RBFOX1: variants seen among roughly 807,000 people sequenced by gnomAD.
RBFOX1 encodes the protein RNA binding protein fox-1 homolog 1.
Under a neutral mutation model 57.7 loss-of-function variants are expected in RBFOX1, and 8 were observed. That is an observed-to-expected ratio of 0.14 (90% CI 0.08 to 0.25). RBFOX1 has a LOEUF of 0.25. RBFOX1 is among the 10% of genes least tolerant of loss of function. The pLI is 1.00. For missense variants in RBFOX1, 611 were observed against 548.5 expected (o/e 1.11, Z -1.14); for synonymous variants, 326 against 222.4 (o/e 1.47, Z -4.15).
intron 4 of RBFOX1, among the ~76,000 whole-genome samples, chr16:7,338,657 C>G (rs983787738): frequency 4.6e-5 from 7 of 152,270 alleles, no homozygotes; most frequent in African/African-American, 1.7e-4. Flanking sequence ...GAAGCAGAAA[C>G]CAGCGTATGT....
intron 2 of RBFOX1, among the ~76,000 whole-genome samples, chr16:5,474,610 C>G (rs951637980): frequency 6.6e-5 from 10 of 151,672 alleles, no homozygotes; most frequent in African/African-American, 2.4e-4. Flanking sequence ...GCTGAGATCG[C>G]GCCATTGCAC....
chr16:6,084,381 C>G (rs1276925055), intron 1 of RBFOX1, among the ~76,000 whole-genome samples: 1 of 152,016 alleles, frequency 6.6e-6, no homozygotes, highest in African/African-American at 2.4e-5. Flanking sequence ...GCAGCTGGGA[C>G]CATAGCTATG....
chr16:6,938,245 A>G (rs1049892635), intron 3 of RBFOX1, among the ~76,000 whole-genome samples: 2 of 152,202 alleles, frequency 1.3e-5, no homozygotes, highest in African/African-American at 2.4e-5. Context: ...AATATCAGGT[A>G]GGTTGCAGAT....
chr16:5,817,953 G>A (rs1289750949), intron 3 of RBFOX1, among the ~76,000 whole-genome samples: 3 of 152,030 alleles, frequency 2.0e-5, no homozygotes, highest in Admixed American at 1.3e-4. Context: ...GCCTCCAAAA[G>A]TGCTGGGATT....
At chr16:5,255,036 T>G (rs891012496) in intron 1 of RBFOX1, among the ~76,000 whole-genome samples, 1 of 152,190 alleles carries the variant, frequency 6.6e-6, no homozygotes, top group African/African-American at 2.4e-5. Flanking sequence ...GCCAGTTGAT[T>G]ATTGGTTGCC....
chr16:7,360,373 T>C (rs559779355), intron 4 of RBFOX1, among the ~76,000 whole-genome samples: 8 of 152,326 alleles, frequency 5.3e-5, no homozygotes, highest in African/African-American at 1.9e-4. Flanking sequence ...GCTTCATATG[T>C]GGCTGAAATA....
chr16:5,538,850 T>C (rs1211098540), intron 2 of RBFOX1, among the ~76,000 whole-genome samples: 1 of 152,072 alleles, frequency 6.6e-6, no homozygotes, highest in Non-Finnish European at 1.5e-5. Context: ...ATGTTCTCGA[T>C]CTCCTGACAT....
chr16:6,948,360 T>C, intron 3 of RBFOX1, among the ~76,000 whole-genome samples: 1 of 151,064 alleles, frequency 6.6e-6, no homozygotes, highest in East Asian at 1.9e-4. Flanking sequence ...TACATGTCCT[T>C]TTCTTTCTCC....
intron 4 of RBFOX1, among the ~76,000 whole-genome samples, chr16:7,284,615 G>A (rs1386168980): frequency 6.6e-6 from 1 of 152,086 alleles, no homozygotes; most frequent in African/African-American, 2.4e-5. Context: ...ACAGGCATAA[G>A]CCACCACTCC....
intron 3 of RBFOX1, among the ~76,000 whole-genome samples, chr16:6,729,644 T>G (rs2068047891): frequency 6.6e-6 from 1 of 152,172 alleles, no homozygotes; most frequent in Admixed American, 6.6e-5. Flanking sequence ...TACCTCATTC[T>G]CTTCTAACTT....
At chr16:5,894,792 C>T (rs12927270) in intron 4 of RBFOX1, among the ~76,000 whole-genome samples, 43,976 of 151,850 alleles carry the variant, frequency 0.29, 6,697 homozygotes, top group East Asian at 0.37. Context: ...GAGGCCGAGG[C>T]AGGCGGATCA....
chr16:6,084,656 G>GCT (rs1441269270), intron 1 of RBFOX1, among the ~76,000 whole-genome samples: 3 of 152,144 alleles, frequency 2.0e-5, no homozygotes, highest in Middle Eastern at 6.8e-3. Flanking sequence ...AAGTAAGCCT[G>GCT]CTCTCTCTCT....
intron 4 of RBFOX1, among the ~76,000 whole-genome samples, chr16:7,452,888 G>C (rs2057658933): frequency 6.6e-6 from 1 of 152,108 alleles, no homozygotes; most frequent in Admixed American, 6.5e-5. Context: ...CAGCATTTTG[G>C]GAGGTCGTGG....
At chr16:5,717,314 A>G (rs1328797758) in intron 3 of RBFOX1, among the ~76,000 whole-genome samples, 2 of 152,084 alleles carry the variant, frequency 1.3e-5, no homozygotes, top group East Asian at 3.9e-4. Context: ...GATTATCTCA[A>G]TAAGGCCATC....
chr16:5,473,930 A>G (rs1451901129), intron 2 of RBFOX1, among the ~76,000 whole-genome samples: 1 of 93,570 alleles, frequency 1.1e-5, no homozygotes, highest in South Asian at 3.8e-4. Context: ...GTGGGTGGGT[A>G]GGTAGATGGA....
chr16:5,250,026 A>G (rs1297017612), intron 1 of RBFOX1, among the ~76,000 whole-genome samples: 1 of 151,642 alleles, frequency 6.6e-6, no homozygotes, highest in East Asian at 1.9e-4. Flanking sequence ...TGCAGTAAGG[A>G]GGAGGTTGCA....
intron 3 of RBFOX1, among the ~76,000 whole-genome samples, chr16:6,892,798 C>G (rs888185907): frequency 7.3e-6 from 1 of 136,132 alleles, no homozygotes; most frequent in Non-Finnish European, 1.6e-5. Flanking sequence ...CTCTCTCTCT[C>G]TCTCTCTCTC....
At chr16:7,048,253 T>TTTTGTTTTG (rs1375069519) in intron 3 of RBFOX1, among the ~76,000 whole-genome samples, 6 of 151,726 alleles carry the variant, frequency 4.0e-5, no homozygotes, top group African/African-American at 1.5e-4. Flanking sequence ...GATTTTTTTG[T>TTTTGTTTTG]TTTGTTTTGT....
At chr16:6,641,975 C>T (rs1317824675) in intron 2 of RBFOX1, among the ~76,000 whole-genome samples, 1 of 152,114 alleles carries the variant, frequency 6.6e-6, no homozygotes, top group Non-Finnish European at 1.5e-5. Context: ...TTCACAGGAA[C>T]CCGTCAATGA....
Sources: gnomAD v4.1 joint callset for allele counts (sites outside exome capture counted in the v4.1 genomes callset) on GRCh38, gnomAD v4.1.1 for gene constraint, MANE v1.5 for transcripts, NCBI Gene and HGNC (gene_info 2026-07-23, HGNC 2026-07-21) for gene names.